MISP: variants seen among roughly 807,000 people sequenced by gnomAD.
MISP encodes mitotic spindle positioning.
In MISP, 51 loss-of-function variants were observed where a neutral mutation model predicts 49.3. That is an observed-to-expected ratio of 1.03 (90% CI 0.83 to 1.31). The LOEUF is 1.31. Ranked by LOEUF, MISP falls within the 50% of genes most tolerant of loss-of-function variation. MISP has a pLI of 0.00. For synonymous variants in MISP, 444 were observed against 392.6 expected, an observed-to-expected ratio of 1.13 and a Z score of -1.55; for missense variants, 1,084 against 935.1, an observed-to-expected ratio of 1.16 and a Z score of -2.08.
chr19:761,936 T>G (rs144289962), intron 4 of MISP, among the ~76,000 whole-genome samples: 35 of 152,192 alleles, frequency 2.3e-4, no homozygotes, highest in African/African-American at 3.9e-4. Context: ...ATGTTGCTTT[T>G]TTTTTGTTTT....
At chr19:760,335 C>G in intron 3 of MISP, 1 of 248,030 alleles carries the variant, frequency 4.0e-6, no homozygotes, top group Non-Finnish European at 7.6e-6. Flanking sequence ...AGGACACTGG[C>G]AATTTGTCAT....
chr19:760,319 A>C (rs1351536128), intron 3 of MISP: 1 of 277,618 alleles, frequency 3.6e-6, no homozygotes, highest in Non-Finnish European at 6.7e-6. Flanking sequence ...CTCTGCTTGG[A>C]GGAGGAGGAC....
chr19:758,106 C>G lies in MISP; in HGVS notation c.1160C>G (p.Pro387Arg). 2.5e-6 allele frequency: 4 copies of G among 1,598,590 alleles called. No individual in the cohort carries two copies. In the South Asian group the frequency reaches 4.5e-5, roughly 18 times the overall value. ...TPDWVSEGPQPGLRRALSSDS... is the reference protein window; with the variant it reads ...TPDWVSEGPQRGLRRALSSDS... ...GACTGGGTCTCGGAGGGTCCCCAGC[C>G]CGGACTCCGGAGAGCCCTCAGCTCA... The change falls in exon 2 of 5, where the codon CCC becomes CGC. Residue 387 changes from proline (P) to arginine (R), a missense_variant. Coordinates refer to ENST00000215582, the MANE Select transcript of MISP (RefSeq NM_173481.4).
At position 758,259 on chromosome 19, in the gene MISP, T is replaced by A; in HGVS notation, c.1313T>A (p.Phe438Tyr). Residue 438 changes from phenylalanine to tyrosine, a missense_variant, in exon 2 of 5, where the codon TTC (phenylalanine) becomes TAC (tyrosine). Phe to Tyr is a conservative substitution (Grantham distance 22). Transcript: ENST00000215582. ...YLSPGTPQLE[F>Y]SAFGAFGKPS... is the part of the protein sequence containing the mutation. ...AGCCCCGGGACCCCCCAGCTAGAAT[T>A]CTCAGCCTTCGGAGCATTCGGCAAG... The A allele has an allele frequency of 1.2e-6, 2 of 1,613,676 alleles. No individual in the cohort carries two copies. Among genetic ancestry groups the A allele is most frequent in the South Asian group, 1.1e-5 (1 of 91,082 alleles).
At chr19:758,994 G>T (rs1355889069) in intron 2 of MISP, among the ~76,000 whole-genome samples, 1 of 152,106 alleles carries the variant, frequency 6.6e-6, no homozygotes, top group Non-Finnish European at 1.5e-5. Flanking sequence ...TATATGTTTT[G>T]TGTGTTTTGT....
In MISP at chr19:758,409, C is replaced by T. The variant is rs780156055; in HGVS notation, c.1463C>T (p.Pro488Leu). Residue 488 changes from proline to leucine, a missense_variant, in exon 2 of 5, where the codon CCT becomes CTT. Physicochemically the swap from Pro to Leu is moderately conservative, Grantham distance 98. Coordinates refer to ENST00000215582, the MANE Select transcript of MISP (RefSeq NM_173481.4). ...ACAAAGCAAGAGGCATCGAAGCCCC[C>T]TCGGGGATGCCCGCAAGCCAACAGG... ...LSTKQEASKPPRGCPQANRGV... is the reference protein window; with the variant it reads ...LSTKQEASKPLRGCPQANRGV... 2.5e-6 allele frequency: 4 copies of T among 1,614,226 alleles called. No homozygotes were observed. The highest frequency in any genetic ancestry group is 3.4e-6 in the Non-Finnish European group (4 of 1,180,042).
At position 763,505 on chromosome 19, in the gene MISP, T is replaced by C; in HGVS notation, c.1955T>C (p.Leu652Pro). Reference sequence around the variant, plus strand: ...ATTCATGCCTCCTTTTTGCAGGTCCTGGAAGCCATACGGGTGACCCGTCAC... The same window carrying C: ...ATTCATGCCTCCTTTTTGCAGGTCCCGGAAGCCATACGGGTGACCCGTCAC... ...NPSDGINSEVLEAIRVTRHKN... is the reference protein window; with the variant it reads ...NPSDGINSEVPEAIRVTRHKN... Residue 652 changes from leucine (L) to proline (P), a missense_variant, in exon 5 of 5, where the codon CTG becomes CCG. Transcript: ENST00000215582. 1 of 1,613,682 alleles carries C rather than the reference T, an allele frequency of 6.2e-7. No homozygotes were observed. Among genetic ancestry groups the C allele is most frequent in the Non-Finnish European group, 8.5e-7 (1 of 1,179,628 alleles).
upstream of MISP, among the ~76,000 whole-genome samples, chr19:750,900 C>T (rs1480455128): frequency 2.0e-5 from 3 of 152,158 alleles, no homozygotes; most frequent in African/African-American, 2.4e-5. Context: ...TCTGGCTCCT[C>T]GGGGCCACCT....
rs927888129 is a variant in MISP at position 763,816 on chromosome 19, T to C, written c.*226T>C. ...TTCTGCCTTTGGGGTCTAAAGCTTT[T>C]GGGGATGAAATGGGACCCCTGCTGA... is the stretch of plus-strand genomic sequence containing the variant. On this transcript the variant is annotated 3_prime_UTR_variant, in exon 5 of 5. Transcript: ENST00000215582. 1.9e-6 allele frequency: 1 copy of C among 535,782 alleles called. No homozygotes were observed. Among genetic ancestry groups the C allele is most frequent in the Non-Finnish European group, 3.3e-6 (1 of 299,130 alleles). 33.2% of individuals were successfully genotyped at this position (535,782 alleles called of 1,614,324 possible).
At position 759,461 on chromosome 19, in the gene MISP, G is replaced by A. The variant is rs746089349; in HGVS notation, c.1781-448G>A. Among the ~76,000 whole-genome samples, 59 of 144,658 alleles carry A rather than the reference G, an allele frequency of 4.1e-4. 1 individual carries two copies. The highest frequency in any genetic ancestry group is 1.5e-3 in the South Asian group (7 of 4,538). The allele number at this position is 144,658 out of a possible 152,430, so 94.9% of individuals were successfully genotyped here. A position where few individuals can be genotyped will look rare whatever the true frequency, so the allele number is the denominator to read the frequency against. On this transcript the variant is annotated intron_variant, in intron 2 of 4. Transcript: ENST00000215582. ...GTCACCCAGGCTGGAGTGCAGTGGC[G>A]CGATCTCGGCTCACTGCAAGCTCCG...
intron 1 of MISP, among the ~76,000 whole-genome samples, chr19:756,088 A>G (rs1166265225): frequency 6.6e-6 from 1 of 152,206 alleles, no homozygotes; most frequent in Non-Finnish European, 1.5e-5. Flanking sequence ...TCAGAGATTC[A>G]GGTATGGTTG....
chr19:763,231 C>G (rs1388283599), intron 4 of MISP, among the ~76,000 whole-genome samples: 1 of 152,144 alleles, frequency 6.6e-6, no homozygotes. Context: ...GAGCCAAGAT[C>G]GCGCCACTGC....
intron 1 of MISP, among the ~76,000 whole-genome samples, chr19:752,312 C>T (rs538686953): frequency 1.8e-3 from 270 of 152,262 alleles, no homozygotes; most frequent in African/African-American, 4.8e-3. Flanking sequence ...TGAGAGCCGC[C>T]GTGGATCCAG....
chr19:758,738 C>T lies in MISP; in HGVS notation c.1780+12C>T, dbSNP rs1431580614. ...CTCCCAGGCATCCGGTGAGAAGGGG[C>T]TCCAGGGAGTGGCTGCTTGGCTCAG... On this transcript the variant is annotated intron_variant, in intron 2 of 4. Coordinates refer to ENST00000215582, the MANE Select transcript of MISP (RefSeq NM_173481.4). 5 of 1,603,270 alleles carry T rather than the reference C, an allele frequency of 3.1e-6. No homozygotes were observed. The highest frequency in any genetic ancestry group is 1.3e-5 in the African/African-American group (1 of 74,764).
In MISP at chr19:758,311, C is replaced by T. The variant is rs2033610034; in HGVS notation, c.1365C>T (p.Ala455=). ...CCAGCAGTCTCTCCACAGCGGAGGC[C>T]AAGGCTGCGACTTCACCAAAGGCCA... ...GKPSSLSTAE[A]KAATSPKATM... The change falls in exon 2 of 5, where the codon GCC becomes GCT. Residue 455 remains alanine, a synonymous_variant. Coordinates refer to ENST00000215582, the MANE Select transcript of MISP (RefSeq NM_173481.4). 2 of 1,614,008 alleles carry T rather than the reference C, an allele frequency of 1.2e-6. No individual in the cohort carries two copies. Among genetic ancestry groups the T allele is most frequent in the Non-Finnish European group, 1.7e-6 (2 of 1,180,060 alleles).
chr19:749,673 A>C (rs1471954989), upstream of MISP, among the ~76,000 whole-genome samples: 2 of 152,178 alleles, frequency 1.3e-5, no homozygotes, highest in East Asian at 1.9e-4. Context: ...TCTACTAAAA[A>C]TACAAAAATA....
rs746467418 is a variant in MISP at position 757,501 on chromosome 19, G to T, written c.555G>T (p.Val185=). The change falls in exon 2 of 5, where the codon GTG becomes GTT. Residue 185 remains valine, a synonymous_variant. Transcript: ENST00000215582. ...GGTCCACGCCCCTGGAGGAGAACGT[G>T]GTTGACAGGGAGCAGATTGACTTCC... The part of the protein sequence containing the change: ...PPRSTPLEEN[V]VDREQIDFLA... 3 of 1,604,200 alleles carry T rather than the reference G, an allele frequency of 1.9e-6. No individual in the cohort carries two copies. The highest frequency in any genetic ancestry group is 1.7e-6 in the Non-Finnish European group (2 of 1,176,044).
At chr19:752,153 G>C (rs1189619083) in intron 1 of MISP, among the ~76,000 whole-genome samples, 2 of 152,126 alleles carry the variant, frequency 1.3e-5, no homozygotes, top group African/African-American at 4.8e-5. Context: ...TCCCTCTCTC[G>C]AAAACCGGAG....
intron 3 of MISP, 53 bp from the exon 4 acceptor site, chr19:761,572 C>T (rs2033672006): frequency 9.3e-6 from 15 of 1,610,270 alleles, no homozygotes; most frequent in Non-Finnish European, 1.3e-5. Context: ...TGGTCGGACT[C>T]TGCACCGGGC....
Sources: allele counts gnomAD v4.1 joint callset (sites outside exome capture counted in the v4.1 genomes callset), GRCh38; gene constraint gnomAD v4.1.1; transcripts MANE v1.5; gene names NCBI Gene and HGNC (gene_info 2026-07-23, HGNC 2026-07-21).